RHEB: variants seen among roughly 807,000 people sequenced by gnomAD.
RHEB encodes GTP-binding protein Rheb.
Under a neutral mutation model 28.8 loss-of-function variants are expected in RHEB, and 2 were observed. The observed-to-expected ratio is 0.07, with a 90% CI of 0.03 to 0.22. The LOEUF is 0.22. Ranked by LOEUF, RHEB falls within the 10% of genes least tolerant of loss-of-function variation. The pLI is 1.00. For synonymous variants in RHEB, 69 were observed against 77.3 expected, an observed-to-expected ratio of 0.89 and a Z score of 0.56; for missense variants, 76 against 219.9, an observed-to-expected ratio of 0.35 and a Z score of 4.14.
At chr7:151,491,625 T>A (rs938667181) in intron 1 of RHEB, among the ~76,000 whole-genome samples, 11 of 151,794 alleles carry the variant, frequency 7.2e-5, no homozygotes, top group African/African-American at 2.4e-4. Context: ...TAATCCCAGC[T>A]ACTTGGGAGG....
At chr7:151,482,910 AC>A (rs1256044106) in intron 3 of RHEB, among the ~76,000 whole-genome samples, 1 of 152,028 alleles carries the variant, frequency 6.6e-6, no homozygotes, top group African/African-American at 2.4e-5. Flanking sequence ...CATGCCCCCG[AC>A]CCCCTAACAG....
intron 3 of RHEB, among the ~76,000 whole-genome samples, chr7:151,478,838 T>C (rs534939319): frequency 3.9e-5 from 6 of 152,178 alleles, no homozygotes; most frequent in African/African-American, 1.4e-4. Context: ...TTTTACCACG[T>C]TGGCCAGGCT....
rs574952208 is a variant in RHEB, at chr7:151,483,325, C to A, written c.192+1412G>T. ...GACAGGTCATATTATTCTGGGTCTACTCCAATTTCCCCAGATTCCAGAAAA... is the reference window on the plus strand; with the variant it reads ...GACAGGTCATATTATTCTGGGTCTAATCCAATTTCCCCAGATTCCAGAAAA... On this transcript the variant is annotated intron_variant, in intron 3 of 7. Transcript: ENST00000262187. Among the ~76,000 whole-genome samples, 3 of 152,342 alleles carry A rather than the reference C, an allele frequency of 2.0e-5. No homozygotes were observed. In the South Asian group the frequency reaches 6.2e-4, roughly 32 times the overall value.
chr7:151,518,440 C>T (rs1373833420), intron 1 of RHEB, among the ~76,000 whole-genome samples: 1 of 152,128 alleles, frequency 6.6e-6, no homozygotes, highest in African/African-American at 2.4e-5. Context: ...CAACTGTGGC[C>T]CGGTGCACGC....
At chr7:151,487,536 A>T (rs538304352) in intron 2 of RHEB, among the ~76,000 whole-genome samples, 8 of 152,326 alleles carry the variant, frequency 5.3e-5, no homozygotes, top group African/African-American at 9.6e-5. Context: ...AAAAAAAAAA[A>T]AATAAACATT....
Position 151,519,716 on chromosome 7 carries a change from C to A in RHEB, c.-205G>T. The A allele has an allele frequency of 5.5e-6, 2 of 362,842 alleles. No homozygotes were observed. The highest frequency in any genetic ancestry group is 9.8e-6 in the Non-Finnish European group (2 of 204,870). The allele number at this position is 362,842 out of a possible 1,614,324, so 22.5% of individuals were successfully genotyped here. On this transcript the variant is annotated 5_prime_UTR_variant, in exon 1 of 8. Transcript: ENST00000262187. The stretch of plus-strand genomic sequence containing the variant: ...GGCGGCGCCCCTCCCCCCCACAACA[C>A]GCCCACGTGACCGGCCGGCGTCAGC...
chr7:151,512,002 T>C (rs1032005914), intron 1 of RHEB, among the ~76,000 whole-genome samples: 22 of 152,222 alleles, frequency 1.4e-4, no homozygotes, highest in African/African-American at 5.1e-4. Flanking sequence ...ACTCAGCAGT[T>C]TGCATTCTCA....
chr7:151,498,468 CA>C (rs902681345), intron 1 of RHEB, among the ~76,000 whole-genome samples: 2 of 151,022 alleles, frequency 1.3e-5, no homozygotes, highest in African/African-American at 4.9e-5. Flanking sequence ...AAAAAAAATA[CA>C]AAAAAAAATT....
chr7:151,511,920 G>GA (rs561487620), intron 1 of RHEB, among the ~76,000 whole-genome samples: 32 of 152,166 alleles, frequency 2.1e-4, no homozygotes, highest in Non-Finnish European at 4.4e-4. Context: ...CAAAGTGCTG[G>GA]AATTATAGGC....
chr7:151,498,035 T>A, intron 1 of RHEB: 1 of 1,027,938 alleles, frequency 9.7e-7, no homozygotes, highest in East Asian at 6.0e-5. Context: ...ACCATGAAGA[T>A]GAATGCACCT....
At chr7:151,495,170 G>A (rs560957352) in intron 1 of RHEB, among the ~76,000 whole-genome samples, 1 of 152,166 alleles carries the variant, frequency 6.6e-6, no homozygotes, top group South Asian at 2.1e-4. Flanking sequence ...ACTGTTACTC[G>A]CTTGCTGAAG....
chr7:151,471,298 G>A, intron 6 of RHEB, 96 bp downstream of exon 6: 1 of 869,160 alleles, frequency 1.2e-6, no homozygotes, highest in Non-Finnish European at 1.9e-6. Context: ...GGATAAAAAT[G>A]CTACAGCTAA....
intron 1 of RHEB, among the ~76,000 whole-genome samples, chr7:151,517,128 C>A (rs1246943560): frequency 6.6e-6 from 1 of 152,186 alleles, no homozygotes; most frequent in Non-Finnish European, 1.5e-5. Flanking sequence ...CTTTGGGAGG[C>A]CAAGGTGGGA....
intron 1 of RHEB, among the ~76,000 whole-genome samples, chr7:151,491,239 G>A (rs1164541767): frequency 1.3e-5 from 2 of 152,158 alleles, no homozygotes; most frequent in African/African-American, 4.8e-5. Context: ...AAGTAAACAT[G>A]TCTGTGACAT....
chr7:151,487,355 G>A (rs1047038235), intron 2 of RHEB, among the ~76,000 whole-genome samples: 3 of 152,056 alleles, frequency 2.0e-5, no homozygotes, highest in Admixed American at 1.3e-4. Flanking sequence ...GAGAGGTTGC[G>A]GCTGAGAATA....
At position 151,508,588 on chromosome 7, in the gene RHEB, A is replaced by C. The variant is rs147240488; in HGVS notation, c.52+10872T>G. Among the ~76,000 whole-genome samples the C allele has an allele frequency of 2.2e-3, 333 of 152,200 alleles. 1 individual carries two copies. The highest frequency in any genetic ancestry group is 7.7e-3 in the African/African-American group (320 of 41,508). On this transcript the variant is annotated intron_variant, in intron 1 of 7. Coordinates refer to ENST00000262187, the MANE Select transcript of RHEB (RefSeq NM_005614.4). ...AATTTCACTTATTTCTTTTTACTTA[A>C]TATGCCTACTGGAAAAATCTAAAAT...
chr7:151,518,594 G>A (rs1409337008), intron 1 of RHEB, among the ~76,000 whole-genome samples: 1 of 152,044 alleles, frequency 6.6e-6, no homozygotes. Context: ...AAAACCGCTC[G>A]TTCTGTAACA....
chr7:151,504,483 T>G (rs986306409), intron 1 of RHEB, among the ~76,000 whole-genome samples: 26 of 152,114 alleles, frequency 1.7e-4, no homozygotes, highest in African/African-American at 6.0e-4. Flanking sequence ...GGGCTTTGCA[T>G]CCAAGGAATA....
At chr7:151,467,677 C>T (rs1802090686) in intron 7 of RHEB, among the ~76,000 whole-genome samples, 1 of 152,166 alleles carries the variant, frequency 6.6e-6, no homozygotes, top group Non-Finnish European at 1.5e-5. Flanking sequence ...TCCTGAGATG[C>T]CACGATGCCA....
Sources: gnomAD v4.1 joint callset for allele counts (sites outside exome capture counted in the v4.1 genomes callset) on GRCh38, gnomAD v4.1.1 for gene constraint, MANE v1.5 for transcripts, NCBI Gene and HGNC (gene_info 2026-07-23, HGNC 2026-07-21) for gene names.